RSPO3: variants seen among roughly 807,000 people sequenced by gnomAD.
RSPO3 encodes the protein R-spondin 3, also known as R-spondin-3.
In RSPO3, 17 loss-of-function variants were observed where a neutral mutation model predicts 36.5. The ratio of observed to expected loss-of-function variants is 0.47; its 90% CI spans 0.32 to 0.70. The LOEUF (loss-of-function observed/expected upper bound fraction) is 0.70, where lower values mean the gene tolerates loss of function less well. Ranked by LOEUF, RSPO3 falls within the 30% of genes least tolerant of loss-of-function variation. RSPO3 has a pLI of 0.04. For missense variants in RSPO3, 294 were observed against 322.5 expected (o/e 0.91, Z 0.68); for synonymous variants, 108 against 107.0 (o/e 1.01, Z -0.06).
intron 4 of RSPO3, among the ~76,000 whole-genome samples, chr6:127,185,300 T>A (rs1457245073): frequency 2.1e-4 from 32 of 152,046 alleles, no homozygotes; most frequent in Admixed American, 2.1e-3. Flanking sequence ...CCTAGAACAA[T>A]CTGCATTACC....
intron 4 of RSPO3, among the ~76,000 whole-genome samples, chr6:127,156,565 T>C (rs1456794499): frequency 2.0e-5 from 3 of 152,214 alleles, no homozygotes; most frequent in African/African-American, 7.2e-5. Flanking sequence ...TATTTCTCCA[T>C]AGTTGACCTT....
At chr6:127,147,129 A>C (rs7741021) in intron 1 of RSPO3, among the ~76,000 whole-genome samples, 63,225 of 151,862 alleles carry the variant, frequency 0.42, 13,511 homozygotes, top group East Asian at 0.51. Flanking sequence ...TCTTGGAATG[A>C]GAATGAGCTG....
intron 3 of RSPO3, among the ~76,000 whole-genome samples, chr6:127,153,613 G>A (rs904060223): frequency 2.0e-5 from 3 of 151,850 alleles, no homozygotes; most frequent in Non-Finnish European, 2.9e-5. Context: ...TTTTAAATAC[G>A]TTTTTCTAAT....
At chr6:127,171,083 T>C (rs1204398553) in intron 4 of RSPO3, among the ~76,000 whole-genome samples, 1 of 151,834 alleles carries the variant, frequency 6.6e-6, no homozygotes. Context: ...AGTGCCTCTA[T>C]TGAAGTAAGG....
intron 4 of RSPO3, among the ~76,000 whole-genome samples, chr6:127,179,997 C>T (rs1371708153): frequency 6.6e-6 from 1 of 151,764 alleles, no homozygotes; most frequent in African/African-American, 2.4e-5. Flanking sequence ...TAGCTAGATG[C>T]TAGAAGTGAA....
Position 127,198,570 on chromosome 6 carries a change from G to A in RSPO3, c.*2563G>A, listed in dbSNP as rs1341033158. On this transcript the variant is annotated 3_prime_UTR_variant, in exon 5 of 5. Coordinates refer to ENST00000356698, the MANE Select transcript of RSPO3 (RefSeq NM_032784.5). ...CAGATGGTCGGTAAATTATTGATTCGAAGAATCGAGAGAGTGCAGCAACAT... is the reference window on the plus strand; with the variant it reads ...CAGATGGTCGGTAAATTATTGATTCAAAGAATCGAGAGAGTGCAGCAACAT... Among the ~76,000 whole-genome samples, 1 of 152,110 alleles carries A rather than the reference G, an allele frequency of 6.6e-6. No individual in the cohort carries two copies. Among genetic ancestry groups the A allele is most frequent in the Non-Finnish European group, 1.5e-5 (1 of 68,038 alleles).
At chr6:127,180,301 G>A (rs2114630834) in intron 4 of RSPO3, among the ~76,000 whole-genome samples, 1 of 151,488 alleles carries the variant, frequency 6.6e-6, no homozygotes, top group South Asian at 2.1e-4. Context: ...TAGGGAAGGA[G>A]GTGCTGTTCA....
At chr6:127,151,182 C>G (rs1314199944) in intron 3 of RSPO3, among the ~76,000 whole-genome samples, 1 of 151,834 alleles carries the variant, frequency 6.6e-6, no homozygotes, top group Non-Finnish European at 1.5e-5. Context: ...TCTGCTTGCA[C>G]AGGTATTGAT....
At chr6:127,179,328 T>C (rs1364990454) in intron 4 of RSPO3, among the ~76,000 whole-genome samples, 1 of 151,846 alleles carries the variant, frequency 6.6e-6, no homozygotes, top group African/African-American at 2.4e-5. Flanking sequence ...GGTTTCTTTC[T>C]GATGCTCCGC....
chr6:127,184,917 A>G (rs1023603144), intron 4 of RSPO3, among the ~76,000 whole-genome samples: 2 of 151,938 alleles, frequency 1.3e-5, no homozygotes, highest in Admixed American at 6.6e-5. Flanking sequence ...ATATGTGCAT[A>G]TACATTTATA....
intron 2 of RSPO3, among the ~76,000 whole-genome samples, chr6:127,149,172 GC>G (rs914888978): frequency 6.6e-6 from 1 of 152,024 alleles, no homozygotes; most frequent in Non-Finnish European, 1.5e-5. Context: ...TGACTAACTT[GC>G]CAAATCATTT....
intron 4 of RSPO3, among the ~76,000 whole-genome samples, chr6:127,178,500 A>T (rs1173370876): frequency 6.6e-6 from 1 of 151,778 alleles, no homozygotes; most frequent in Non-Finnish European, 1.5e-5. Flanking sequence ...TAGAATATCA[A>T]TTTCTGTGAA....
intron 4 of RSPO3, among the ~76,000 whole-genome samples, chr6:127,165,123 G>C (rs1184213750): frequency 3.3e-5 from 5 of 151,844 alleles, no homozygotes; most frequent in Non-Finnish European, 7.4e-5. Context: ...AAATTCACAT[G>C]CAGAAAATAT....
intron 1 of RSPO3, among the ~76,000 whole-genome samples, chr6:127,146,062 A>T (rs1273275907): frequency 6.6e-6 from 1 of 152,174 alleles, no homozygotes; most frequent in East Asian, 1.9e-4. Context: ...CCATAAAAAA[A>T]ATCTAGACTC....
chr6:127,120,983 G>A (rs771875394), intron 1 of RSPO3, among the ~76,000 whole-genome samples: 1 of 152,246 alleles, frequency 6.6e-6, no homozygotes, highest in African/African-American at 2.4e-5. Context: ...CTGGCCTGGG[G>A]AATTGAGTCT....
chr6:127,173,988 C>A (rs188359166), intron 4 of RSPO3, among the ~76,000 whole-genome samples: 1 of 151,776 alleles, frequency 6.6e-6, no homozygotes, highest in Admixed American at 6.6e-5. Flanking sequence ...GCACAGAGGG[C>A]GTTAAGCTAT....
intron 4 of RSPO3, among the ~76,000 whole-genome samples, chr6:127,190,574 T>C (rs1215363513): frequency 6.6e-6 from 1 of 152,212 alleles, no homozygotes; most frequent in Non-Finnish European, 1.5e-5. Flanking sequence ...CATAAAGCCA[T>C]GGGCTTCCAG....
intron 1 of RSPO3, among the ~76,000 whole-genome samples, chr6:127,139,579 C>A (rs895724644): frequency 2.7e-5 from 4 of 150,538 alleles, no homozygotes; most frequent in South Asian, 4.2e-4. Flanking sequence ...ATATTTCTAA[C>A]CTTAAAAAAA....
intron 4 of RSPO3, among the ~76,000 whole-genome samples, chr6:127,187,500 C>G (rs1027613977): frequency 2.0e-5 from 3 of 151,808 alleles, no homozygotes; most frequent in African/African-American, 7.3e-5. Context: ...GCCAACATAC[C>G]CTTTGATAAC....
Sources: allele counts gnomAD v4.1 joint callset (sites outside exome capture counted in the v4.1 genomes callset), GRCh38; gene constraint gnomAD v4.1.1; transcripts MANE v1.5; gene names NCBI Gene and HGNC (gene_info 2026-07-23, HGNC 2026-07-21).